The following FAM185A variants were observed in gnomAD, a reference collection of about 807,000 sequenced individuals.
The protein encoded by FAM185A is family with sequence similarity 185 member A, also known as protein FAM185A.
Under a neutral mutation model 45.7 loss-of-function variants are expected in FAM185A, and 21 were observed. The observed-to-expected ratio is 0.46, with a 90% CI of 0.33 to 0.66. FAM185A has a LOEUF of 0.66. Ranked by LOEUF, FAM185A falls within the 30% of genes least tolerant of loss-of-function variation. The probability of loss-of-function intolerance (pLI) is 0.03; values close to 1 mark genes in which losing one functional copy is unlikely to be tolerated. For synonymous variants in FAM185A, 117 were observed against 194.0 expected (o/e 0.60, Z 3.30); for missense variants, 305 against 485.4 (o/e 0.63, Z 3.49).
At chr7:102,843,001 A>AT in the FAM185A span, among the ~76,000 whole-genome samples, 1 of 152,220 alleles carries the variant, frequency 6.6e-6, no homozygotes, top group Non-Finnish European at 1.5e-5. Context: ...CCAGTCCCTT[A>AT]TGCCGAATCC....
chr7:102,813,505 T>A (rs1197958531), downstream of FAM185A: 9 of 1,613,896 alleles, frequency 5.6e-6, no homozygotes, highest in Admixed American at 1.7e-5. Context: ...CTGCTGAACT[T>A]TAGATGACAT....
At chr7:102,832,532 T>TTTC in the FAM185A span, among the ~76,000 whole-genome samples, 1 of 152,266 alleles carries the variant, frequency 6.6e-6, no homozygotes, top group African/African-American at 2.4e-5. Context: ...CTACAAATAC[T>TTTC]AAGTTCATTC....
the FAM185A span, among the ~76,000 whole-genome samples, chr7:102,840,238 G>A: frequency 6.6e-6 from 1 of 152,298 alleles, no homozygotes; most frequent in African/African-American, 2.4e-5. Context: ...AGAATTTATT[G>A]AGAAAAATTT....
At chr7:102,798,389 T>C (rs1283539518) in intron 7 of FAM185A, among the ~76,000 whole-genome samples, 1 of 152,224 alleles carries the variant, frequency 6.6e-6, no homozygotes, top group Admixed American at 6.5e-5. Flanking sequence ...GAGAAAGCTA[T>C]TTTCAAGCAA....
At position 102,774,163 on chromosome 7, in the gene FAM185A, G is replaced by T. The variant is rs9641299; in HGVS notation, c.835+1713G>T. Among the ~76,000 whole-genome samples, 10 of 151,934 alleles carry T rather than the reference G, an allele frequency of 6.6e-5. No individual in the cohort carries two copies. In the East Asian group the frequency reaches 1.6e-3, roughly 24 times the overall value. Reference sequence around the variant, plus strand: ...TTTGTAAGTTTCAGTGTAGAGATCTGGCACATTTTTTTGTTAAATTCATTT... The same window carrying T: ...TTTGTAAGTTTCAGTGTAGAGATCTTGCACATTTTTTTGTTAAATTCATTT... On this transcript the variant is annotated intron_variant, in intron 5 of 7. Coordinates refer to ENST00000413034, the MANE Select transcript of FAM185A (RefSeq NM_001145268.2).
At chr7:102,754,946 T>C (rs750659068) in intron 2 of FAM185A, 2 of 169,382 alleles carry the variant, frequency 1.2e-5, no homozygotes, top group Non-Finnish European at 2.5e-5. Context: ...TCACATTTTT[T>C]GGGGAATTAG....
downstream of FAM185A, among the ~76,000 whole-genome samples, chr7:102,812,899 GT>G (rs1423123529): frequency 1.4e-5 from 2 of 146,526 alleles, no homozygotes; most frequent in Middle Eastern, 3.5e-3. Flanking sequence ...CTGGAATGCA[GT>G]GACGTGATCT....
intron 7 of FAM185A, among the ~76,000 whole-genome samples, chr7:102,804,312 A>G (rs1796974906): frequency 6.6e-6 from 1 of 152,236 alleles, no homozygotes; most frequent in Non-Finnish European, 1.5e-5. Context: ...CCAAAACAGC[A>G]TGGTACTGGT....
chr7:102,754,156 T>C (rs1300803764), intron 2 of FAM185A, among the ~76,000 whole-genome samples: 6 of 152,226 alleles, frequency 3.9e-5, no homozygotes, highest in African/African-American at 1.4e-4. Context: ...TGTGTCTCTT[T>C]CATTAACTTA....
At chr7:102,823,571 T>C in the FAM185A span, among the ~76,000 whole-genome samples, 1 of 152,234 alleles carries the variant, frequency 6.6e-6, no homozygotes, top group East Asian at 1.9e-4. Context: ...GTATACTACT[T>C]AGAGTATTTC....
intron 3 of FAM185A, among the ~76,000 whole-genome samples, chr7:102,761,044 T>A (rs1233570799): frequency 6.6e-6 from 1 of 152,070 alleles, no homozygotes; most frequent in Non-Finnish European, 1.5e-5. Context: ...TAAGAGAAAT[T>A]AAAGGAGACC....
At chr7:102,845,267 A>G in the FAM185A span, among the ~76,000 whole-genome samples, 1 of 152,138 alleles carries the variant, frequency 6.6e-6, no homozygotes, top group South Asian at 2.1e-4. Context: ...AGAACAGAAG[A>G]TACACCCAGG....
the FAM185A span, among the ~76,000 whole-genome samples, chr7:102,841,578 C>A: frequency 6.6e-6 from 1 of 152,190 alleles, no homozygotes; most frequent in African/African-American, 2.4e-5. Context: ...TGGAACCTTA[C>A]AGACAATGGG....
intron 1 of FAM185A, 127 bp downstream of exon 1, chr7:102,749,785 G>A: frequency 7.0e-7 from 1 of 1,433,808 alleles, no homozygotes; most frequent in East Asian, 2.5e-5. Context: ...GGCCCCTTCG[G>A]AAATGCACCT....
At chr7:102,786,719 C>A (rs1303494768) in intron 6 of FAM185A, among the ~76,000 whole-genome samples, 1 of 151,842 alleles carries the variant, frequency 6.6e-6, no homozygotes, top group Non-Finnish European at 1.5e-5. Context: ...AGGAGATATA[C>A]CTAATGTTAA....
the FAM185A span, among the ~76,000 whole-genome samples, chr7:102,833,259 G>A: frequency 6.6e-6 from 1 of 152,152 alleles, no homozygotes; most frequent in Admixed American, 6.5e-5. Context: ...GGTCAGTAAT[G>A]AGTAGAAGAA....
chr7:102,783,884 T>C (rs1795588816), intron 6 of FAM185A, among the ~76,000 whole-genome samples: 1 of 152,040 alleles, frequency 6.6e-6, no homozygotes, highest in South Asian at 2.1e-4. Flanking sequence ...AAAAAATCAA[T>C]GAATGCAGGA....
chr7:102,787,256 C>T (rs1370402806), intron 6 of FAM185A, 79 bp from the exon 7 acceptor site: 2 of 1,067,174 alleles, frequency 1.9e-6, no homozygotes, highest in Non-Finnish European at 1.3e-6. Flanking sequence ...GCAATGCTAC[C>T]CTGTCAGTCA....
chr7:102,842,762 G>T, the FAM185A span, among the ~76,000 whole-genome samples: 1 of 152,182 alleles, frequency 6.6e-6, no homozygotes, highest in Non-Finnish European at 1.5e-5. Flanking sequence ...TATCCTTGTA[G>T]ATGTTCCTTA....
Sources: allele counts gnomAD v4.1 joint callset (sites outside exome capture counted in the v4.1 genomes callset), GRCh38; gene constraint gnomAD v4.1.1; transcripts MANE v1.5; gene names NCBI Gene and HGNC (gene_info 2026-07-23, HGNC 2026-07-21).